FCHSD2: variants seen among roughly 807,000 people sequenced by gnomAD.
FCHSD2 encodes FCH and double SH3 domains 2.
In FCHSD2, 38 loss-of-function variants were observed where a neutral mutation model predicts 108.1. The observed-to-expected ratio is 0.35, with a 90% CI of 0.27 to 0.46. The LOEUF is 0.46. FCHSD2 is among the 20% of genes least tolerant of loss of function. The probability of loss-of-function intolerance (pLI) is 1.00; values close to 1 mark genes in which losing one functional copy is unlikely to be tolerated. For synonymous variants in FCHSD2, 279 were observed against 314.7 expected (o/e 0.89, Z 1.20); for missense variants, 751 against 897.8 (o/e 0.84, Z 2.09).
intron 8 of FCHSD2, among the ~76,000 whole-genome samples, chr11:72,959,960 A>G (rs2135370972): frequency 6.6e-6 from 1 of 152,110 alleles, no homozygotes; most frequent in South Asian, 2.1e-4. Flanking sequence ...TGGTTTTAAA[A>G]GCACAGATAT....
intron 2 of FCHSD2, among the ~76,000 whole-genome samples, chr11:73,105,533 A>G (rs947533505): frequency 1.1e-4 from 17 of 152,242 alleles, no homozygotes; most frequent in African/African-American, 4.1e-4. Flanking sequence ...TTCTAATCCT[A>G]ACATTGGATA....
intron 8 of FCHSD2, among the ~76,000 whole-genome samples, chr11:72,978,067 A>G (rs1857140010): frequency 6.6e-6 from 1 of 152,176 alleles, no homozygotes; most frequent in Non-Finnish European, 1.5e-5. Context: ...AAGGACAGAA[A>G]ACCAAACACC....
chr11:72,899,909 A>G (rs1855493164), intron 10 of FCHSD2, among the ~76,000 whole-genome samples: 1 of 152,160 alleles, frequency 6.6e-6, no homozygotes, highest in Admixed American at 6.6e-5. Context: ...TACTATTGCA[A>G]TCACAACAGT....
At chr11:72,873,166 A>G (rs1854898133) in intron 12 of FCHSD2, among the ~76,000 whole-genome samples, 1 of 152,054 alleles carries the variant, frequency 6.6e-6, no homozygotes, top group Non-Finnish European at 1.5e-5. Flanking sequence ...CATCTCTACT[A>G]AAAATACAAA....
chr11:72,936,014 C>G (rs2135334019), intron 8 of FCHSD2, among the ~76,000 whole-genome samples: 1 of 152,298 alleles, frequency 6.6e-6, no homozygotes. Flanking sequence ...GTTGCCATCT[C>G]AAAACATCAT....
At chr11:72,992,603 A>G (rs369060852) in intron 5 of FCHSD2, among the ~76,000 whole-genome samples, 102 of 152,296 alleles carry the variant, frequency 6.7e-4, no homozygotes, top group Middle Eastern at 3.4e-3. Context: ...AAATAATGCC[A>G]CATATCTACA....
chr11:73,102,683 G>T (rs1030163326), intron 2 of FCHSD2, among the ~76,000 whole-genome samples: 1 of 152,172 alleles, frequency 6.6e-6, no homozygotes, highest in Non-Finnish European at 1.5e-5. Flanking sequence ...ATAAAAGGGT[G>T]AGTTCAGCCC....
chr11:73,000,552 T>G (rs1321586219), intron 5 of FCHSD2, among the ~76,000 whole-genome samples: 1 of 152,236 alleles, frequency 6.6e-6, no homozygotes, highest in African/African-American at 2.4e-5. Flanking sequence ...AAGTTTTTTA[T>G]GTTTAGTCAA....
At chr11:72,845,437 CAAAAAAAAAA>C (rs755929012) in intron 14 of FCHSD2, among the ~76,000 whole-genome samples, 9 of 81,984 alleles carry the variant, frequency 1.1e-4, no homozygotes, top group Middle Eastern at 4.7e-3. Flanking sequence ...GACCCTGTCT[CAAAAAAAAAA>C]AAAAAAAAAA....
chr11:72,868,338 A>G (rs1854776173), intron 12 of FCHSD2, among the ~76,000 whole-genome samples: 1 of 152,080 alleles, frequency 6.6e-6, no homozygotes, highest in African/African-American at 2.4e-5. Context: ...AACAACACAC[A>G]CTGGGGCCTG....
intron 12 of FCHSD2, among the ~76,000 whole-genome samples, chr11:72,873,291 T>C (rs1854901517): frequency 6.6e-6 from 1 of 150,872 alleles, no homozygotes; most frequent in Non-Finnish European, 1.5e-5. Flanking sequence ...ATCGCGCCAC[T>C]GCACTCCAGC....
intron 3 of FCHSD2, among the ~76,000 whole-genome samples, chr11:73,058,221 G>A (rs1404441934): frequency 3.9e-5 from 6 of 152,132 alleles, no homozygotes; most frequent in Non-Finnish European, 8.8e-5. Context: ...ATTGTTTTAT[G>A]TCATAAAATC....
intron 2 of FCHSD2, among the ~76,000 whole-genome samples, chr11:73,136,428 G>A (rs1861122106): frequency 1.3e-5 from 2 of 151,692 alleles, no homozygotes; most frequent in African/African-American, 4.8e-5. Flanking sequence ...CGCACCTGGA[G>A]TCTCAGCTAC....
At chr11:73,000,845 GT>G (rs555668392) in intron 5 of FCHSD2, 144 bp downstream of exon 5, 34 of 662,662 alleles carry the variant, frequency 5.1e-5, no homozygotes, top group Non-Finnish European at 7.9e-5. Context: ...ATGAGAACAT[GT>G]TGAAATCAGA....
At chr11:72,862,354 A>G (rs1214494818) in intron 13 of FCHSD2, among the ~76,000 whole-genome samples, 1 of 152,240 alleles carries the variant, frequency 6.6e-6, no homozygotes, top group African/African-American at 2.4e-5. Context: ...CTATGGATTT[A>G]CAAAAAAGCT....
intron 5 of FCHSD2, among the ~76,000 whole-genome samples, chr11:72,992,048 G>A (rs923618062): frequency 2.6e-5 from 4 of 152,130 alleles, no homozygotes; most frequent in Non-Finnish European, 5.9e-5. Flanking sequence ...AAGCTGATAG[G>A]CAACTTCAGC....
chr11:72,984,337 G>A (rs781669016), intron 7 of FCHSD2, 121 bp from the exon 8 acceptor site: 119 of 802,612 alleles, frequency 1.5e-4, no homozygotes, highest in Non-Finnish European at 2.2e-4. Flanking sequence ...AACCACGTGC[G>A]GAAAACATTT....
intron 3 of FCHSD2, among the ~76,000 whole-genome samples, chr11:73,068,064 C>A (rs141266427): frequency 2.6e-5 from 4 of 151,850 alleles, no homozygotes; most frequent in Admixed American, 1.3e-4. Flanking sequence ...TTCACTACCA[C>A]GAGAACAGTA....
chr11:73,069,707 T>C (rs1203246234), intron 3 of FCHSD2, among the ~76,000 whole-genome samples: 2 of 152,046 alleles, frequency 1.3e-5, no homozygotes. Flanking sequence ...TAAAAAGAGA[T>C]AGATACAAAT....
Sources: allele counts gnomAD v4.1 joint callset (sites outside exome capture counted in the v4.1 genomes callset), GRCh38; gene constraint gnomAD v4.1.1; transcripts MANE v1.5; gene names NCBI Gene and HGNC (gene_info 2026-07-23, HGNC 2026-07-21).